Variants in ASIC2 observed in about 807,000 individuals in gnomAD.
ASIC2 encodes acid sensing ion channel subunit 2.
Under a neutral mutation model 57.3 loss-of-function variants are expected in ASIC2, and 25 were observed. That is an observed-to-expected ratio of 0.44 (90% CI 0.32 to 0.61). The LOEUF (loss-of-function observed/expected upper bound fraction) is 0.61, where lower values mean the gene tolerates loss of function less well. ASIC2 is among the 20% of genes least tolerant of loss of function. ASIC2 has a pLI of 0.06. For missense variants in ASIC2, 641 were observed against 738.1 expected (o/e 0.87, Z 1.52); for synonymous variants, 319 against 307.5 (o/e 1.04, Z -0.39).
chr17:33,967,756 G>A lies in ASIC2; in HGVS notation c.555+188222C>T, dbSNP rs148179910. Among the ~76,000 whole-genome samples, 406 of 152,320 alleles carry A rather than the reference G, an allele frequency of 2.7e-3. 3 individuals carry two copies. Among genetic ancestry groups the A allele is most frequent in the South Asian group, 0.018 (86 of 4,826 alleles). On this transcript the variant is annotated intron_variant, in intron 1 of 9. Transcript: ENST00000359872. ...AGTAGTAGTAATAAAGGCTGCCAGT[G>A]TCAGAAGCACTTGACATGCAGTGTC... is the stretch of plus-strand genomic sequence containing the variant.
intron 1 of ASIC2, among the ~76,000 whole-genome samples, chr17:33,663,872 G>A (rs1206899946): frequency 6.6e-6 from 1 of 152,134 alleles, no homozygotes; most frequent in African/African-American, 2.4e-5. Flanking sequence ...CTGAATCCCA[G>A]TGTGCTCAGG....
chr17:33,037,130 CAAA>C lies in ASIC2; in HGVS notation c.988-8741_988-8739del, dbSNP rs35845015. On this transcript the variant is annotated intron_variant, in intron 3 of 9. Coordinates refer to ENST00000225823, the MANE Select transcript of ASIC2 (RefSeq NM_183377.2). ...AAAAAAAATTAGCCAGGTGTGGTAGCAAAAAAAAAAAAAAAAAAGAATTGGTTG... is the reference window on the plus strand; with the variant it reads ...AAAAAAAATTAGCCAGGTGTGGTAGCAAAAAAAAAAAAAAAGAATTGGTTG... 2.0e-3 allele frequency among the ~76,000 whole-genome samples: 251 copies of C among 125,570 alleles called. 1 individual carries two copies. Among genetic ancestry groups the C allele is most frequent in the Middle Eastern group, 0.013 (3 of 240 alleles). 82.4% of individuals were successfully genotyped at this position (125,570 alleles called of 152,430 possible).
intron 1 of ASIC2, among the ~76,000 whole-genome samples, chr17:33,394,361 T>C (rs1275022665): frequency 6.6e-6 from 1 of 152,184 alleles, no homozygotes; most frequent in Non-Finnish European, 1.5e-5. Flanking sequence ...TGGCTGCAAG[T>C]TGGAATTTGG....
chr17:33,613,389 C>G (rs71379404), intron 1 of ASIC2, among the ~76,000 whole-genome samples: 2,696 of 106,166 alleles, frequency 0.025, 70 homozygotes, highest in African/African-American at 0.091. Context: ...TTTTTTTTTT[C>G]CTTCCTGCTC....
At chr17:33,117,599 A>G (rs2092286147) in intron 1 of ASIC2, among the ~76,000 whole-genome samples, 1 of 152,206 alleles carries the variant, frequency 6.6e-6, no homozygotes, top group South Asian at 2.1e-4. Context: ...GCTGAGACTC[A>G]TGGGTGAGAC....
intron 1 of ASIC2, among the ~76,000 whole-genome samples, chr17:33,713,907 G>A (rs1909131555): frequency 6.6e-6 from 1 of 152,332 alleles, no homozygotes; most frequent in South Asian, 2.1e-4. Context: ...AACTAGTTAT[G>A]TCTTTTTGAT....
intron 1 of ASIC2, among the ~76,000 whole-genome samples, chr17:33,814,411 G>A: frequency 6.6e-6 from 1 of 152,188 alleles, no homozygotes; most frequent in East Asian, 1.9e-4. Context: ...TTCCGATTTG[G>A]GGTTTGAGTC....
chr17:34,033,889 A>G (rs911360982), intron 1 of ASIC2, among the ~76,000 whole-genome samples: 5 of 152,238 alleles, frequency 3.3e-5, no homozygotes, highest in Admixed American at 6.5e-5. Flanking sequence ...AACCAAAAAA[A>G]GTCCAGGACC....
chr17:33,343,883 G>T (rs547159232), intron 1 of ASIC2, among the ~76,000 whole-genome samples: 1 of 152,306 alleles, frequency 6.6e-6, no homozygotes, highest in African/African-American at 2.4e-5. Flanking sequence ...CCTGAAAAGC[G>T]ACTGTGCCTT....
chr17:33,940,310 C>T (rs1916158262), intron 1 of ASIC2, among the ~76,000 whole-genome samples: 1 of 152,142 alleles, frequency 6.6e-6, no homozygotes, highest in Non-Finnish European at 1.5e-5. Flanking sequence ...CCTGTAGAAG[C>T]TGGTTGGCCA....
chr17:33,276,733 T>C (rs780330376), intron 1 of ASIC2, among the ~76,000 whole-genome samples: 1 of 152,188 alleles, frequency 6.6e-6, no homozygotes, highest in Admixed American at 6.5e-5. Context: ...TAATAGAAAC[T>C]TAACAATTGC....
At chr17:33,251,186 T>C (rs1255123779) in intron 1 of ASIC2, among the ~76,000 whole-genome samples, 3 of 152,194 alleles carry the variant, frequency 2.0e-5, no homozygotes, top group Admixed American at 2.0e-4. Context: ...AAATTATAAC[T>C]TTTTCTTGCA....
intron 5 of ASIC2, among the ~76,000 whole-genome samples, chr17:33,024,244 A>G (rs1166620938): frequency 6.6e-6 from 1 of 152,266 alleles, no homozygotes; most frequent in Non-Finnish European, 1.5e-5. Flanking sequence ...AATTGTTGAA[A>G]TGGGACCACT....
intron 1 of ASIC2, among the ~76,000 whole-genome samples, chr17:33,885,007 A>G (rs1914796348): frequency 6.6e-6 from 1 of 152,144 alleles, no homozygotes; most frequent in Non-Finnish European, 1.5e-5. Context: ...GCAGTCCCCA[A>G]ATGAGCAGCT....
At chr17:33,095,246 T>C (rs1214099977) in intron 2 of ASIC2, among the ~76,000 whole-genome samples, 2 of 152,178 alleles carry the variant, frequency 1.3e-5, no homozygotes, top group Non-Finnish European at 1.5e-5. Flanking sequence ...AGTCCCTCCA[T>C]GTAGACTGGC....
chr17:33,530,667 G>A (rs891878608), intron 1 of ASIC2, among the ~76,000 whole-genome samples: 3 of 152,236 alleles, frequency 2.0e-5, no homozygotes, highest in Non-Finnish European at 2.9e-5. Flanking sequence ...TCAAGAGAGA[G>A]GTGGTTGGAA....
intron 1 of ASIC2, among the ~76,000 whole-genome samples, chr17:33,533,284 G>A (rs760811277): frequency 6.6e-6 from 1 of 151,648 alleles, no homozygotes; most frequent in Non-Finnish European, 1.5e-5. Context: ...AGGCAGAGGT[G>A]GCAGTGAGCC....
At chr17:34,060,800 G>T (rs1185360494) in intron 1 of ASIC2, among the ~76,000 whole-genome samples, 1 of 152,022 alleles carries the variant, frequency 6.6e-6, no homozygotes, top group East Asian at 1.9e-4. Flanking sequence ...CAAAGACAAA[G>T]AGAAAAGAAT....
intron 3 of ASIC2, among the ~76,000 whole-genome samples, chr17:33,053,902 C>T (rs539518654): frequency 2.4e-4 from 36 of 152,154 alleles, no homozygotes; most frequent in African/African-American, 8.0e-4. Flanking sequence ...GTGAAGCAAG[C>T]GTTTCTGATT....
Sources: allele counts gnomAD v4.1 joint callset (sites outside exome capture counted in the v4.1 genomes callset), GRCh38; gene constraint gnomAD v4.1.1; transcripts MANE v1.5; gene names NCBI Gene and HGNC (gene_info 2026-07-23, HGNC 2026-07-21).